Variants in ITGB7 observed in about 807,000 individuals in gnomAD.
ITGB7 encodes the protein integrin subunit beta 7.
In ITGB7, 55 loss-of-function variants were observed where a neutral mutation model predicts 83.4. The ratio of observed to expected loss-of-function variants is 0.66; its 90% CI spans 0.53 to 0.83. The LOEUF is 0.83. ITGB7 is among the 40% of genes least tolerant of loss of function. ITGB7 has a pLI of 0.00. For synonymous variants in ITGB7, 454 were observed against 423.6 expected, an observed-to-expected ratio of 1.07 and a Z score of -0.88; for missense variants, 921 against 1,046.7, an observed-to-expected ratio of 0.88 and a Z score of 1.66.
chr12:53,197,768 G>T lies in ITGB7; in HGVS notation c.385C>A (p.Arg129=). 6.4e-7 allele frequency: 1 copy of T among 1,568,298 alleles called. No individual in the cohort carries two copies. The highest frequency in any genetic ancestry group is 8.6e-7 in the Non-Finnish European group (1 of 1,159,302). Residue 129 remains arginine (R), a synonymous_variant, in exon 4 of 16, where the codon CGG becomes AGG. Coordinates refer to ENST00000267082, the MANE Select transcript of ITGB7 (RefSeq NM_000889.3). Reference sequence around the variant, plus strand: ...AACTCACCAGGCCGCAGCGTGACCCGGACCCGCTGCGGCGCCAGCTGGGTG... The same window carrying T: ...AACTCACCAGGCCGCAGCGTGACCCTGACCCGCTGCGGCGCCAGCTGGGTG... ...GATQLAPQRV[R]VTLRPGEPQQ... is the part of the protein sequence containing the mutation.
chr12:53,192,737 G>A lies in ITGB7; in HGVS notation c.1900C>T (p.Leu634=). The change falls in exon 13 of 16, where the codon CTA becomes TTA. Residue 634 remains leucine (L), a synonymous_variant. Transcript: ENST00000267082. ...CQCLDGYYGA[L]CDQCPGCKTP... ...TTGCAGCCTGGGCATTGGTCGCATA[G>A]AGCACCATAGTAGCCGTCCAAGCAC... The A allele has an allele frequency of 1.9e-6, 3 of 1,614,222 alleles. No homozygotes were observed. The highest frequency in any genetic ancestry group is 2.5e-6 in the Non-Finnish European group (3 of 1,180,048).
At chr12:53,199,480 C>T (rs935377616) in intron 3 of ITGB7, among the ~76,000 whole-genome samples, 5 of 152,142 alleles carry the variant, frequency 3.3e-5, no homozygotes, top group Non-Finnish European at 5.9e-5. Context: ...TCTAACCACA[C>T]ACTTGCTGCT....
intron 2 of ITGB7, among the ~76,000 whole-genome samples, 188 bp from the exon 3 acceptor site, chr12:53,200,634 CA>C (rs1285724709): frequency 6.6e-6 from 1 of 152,086 alleles, no homozygotes; most frequent in Non-Finnish European, 1.5e-5. Context: ...AGGTATCACG[CA>C]AAGGTAGGGG....
chr12:53,192,083 C>CA, intron 14 of ITGB7, 64 bp from the exon 15 acceptor site: 1 of 1,556,306 alleles, frequency 6.4e-7, no homozygotes, highest in South Asian at 1.2e-5. Flanking sequence ...ATCAGTTGCT[C>CA]ACAGTGTGTC....
intron 1 of ITGB7, among the ~76,000 whole-genome samples, chr12:53,203,385 C>A (rs1177637056): frequency 1.3e-5 from 2 of 152,120 alleles, no homozygotes; most frequent in African/African-American, 4.8e-5. Context: ...TGGTGGCTCA[C>A]ACCTGTAATC....
At position 53,191,928 on chromosome 12, in the gene ITGB7, C is replaced by G; in HGVS notation, c.2247G>C (p.Ser749=). 6.2e-7 allele frequency: 1 copy of G among 1,611,134 alleles called. No individual in the cohort carries two copies. The highest frequency in any genetic ancestry group is 8.5e-7 in the Non-Finnish European group (1 of 1,180,002). The change falls in exon 15 of 16, where the codon TCG becomes TCC. Residue 749 remains serine, a synonymous_variant. Coordinates refer to ENST00000267082, the MANE Select transcript of ITGB7 (RefSeq NM_000889.3). ...ATTCCCGGCGGTCATAGATTTCCAC[C>G]GAGAGCCGGTAAGCCAGGACCAGCC... ...GLGLVLAYRL[S]VEIYDRREYS...
At position 53,192,357 on chromosome 12, in the gene ITGB7, C is replaced by T. The variant is rs901702148; in HGVS notation, c.2128G>A (p.Val710Ile). The T allele has an allele frequency of 5.0e-6, 8 of 1,614,002 alleles. No homozygotes were observed. In the African/African-American group the frequency reaches 9.3e-5, roughly 19 times the overall value. ...TCTTGGGGTCTCACTCTGAGCACGA[C>T]CGTGCCTCTGGCGTCATCCTCCACC... ...FLVEDDARGT[V>I]VLRVRPQEKG... Residue 710 changes from valine to isoleucine, a missense_variant, in exon 14 of 16, where the codon GTC (valine) becomes ATC (isoleucine). Coordinates refer to ENST00000267082, the MANE Select transcript of ITGB7 (RefSeq NM_000889.3).
rs1166685125 is a variant in ITGB7 at position 53,192,422 on chromosome 12, C to T, written c.2063G>A (p.Cys688Tyr). The change falls in exon 14 of 16, where the codon TGC (cysteine) becomes TAC (tyrosine). Residue 688 changes from cysteine to tyrosine, a missense_variant. Transcript: ENST00000267082. ...CTGGTTGTCCAGGGTCCGCTCTTTG[C>T]ACCAGCCATCATCCAAGATAGGGGC... ...ALAPILDDGWCKERTLDNQLF... is the reference protein window; with the variant it reads ...ALAPILDDGWYKERTLDNQLF... 3 of 1,614,128 alleles carry T rather than the reference C, an allele frequency of 1.9e-6. No individual in the cohort carries two copies. The highest frequency in any genetic ancestry group is 2.2e-5 in the South Asian group (2 of 91,072).
At chr12:53,194,391 C>T (rs1319777869) in intron 9 of ITGB7, 47 bp from the exon 10 acceptor site, 1 of 1,595,236 alleles carries the variant, frequency 6.3e-7, no homozygotes, top group Non-Finnish European at 8.6e-7. Context: ...CAGAAAAGGA[C>T]TCCAACCCCA....
chr12:53,200,466 G>A lies in ITGB7; in HGVS notation c.-3-20C>T, dbSNP rs767932545. The A allele has an allele frequency of 8.7e-6, 14 of 1,604,614 alleles. No homozygotes were observed. The highest frequency in any genetic ancestry group is 1.1e-5 in the South Asian group (1 of 90,840). On this transcript the variant is annotated intron_variant, in intron 2 of 15. Coordinates refer to ENST00000267082, the MANE Select transcript of ITGB7 (RefSeq NM_000889.3). Reference sequence around the variant, plus strand: ...CATGCCCTGTAATAGGATATAAAGGGGGACATGTGGGTCCTCAGGGAGGAC... The same window carrying A: ...CATGCCCTGTAATAGGATATAAAGGAGGACATGTGGGTCCTCAGGGAGGAC...
At chr12:53,192,987 C>A in intron 12 of ITGB7, 77 bp from the exon 13 acceptor site, 1 of 1,457,440 alleles carries the variant, frequency 6.9e-7, no homozygotes. Flanking sequence ...GACAAGCCCA[C>A]GCATCCAATC....
At chr12:53,197,232 G>A in intron 5 of ITGB7, 1 of 585,912 alleles carries the variant, frequency 1.7e-6, no homozygotes. Flanking sequence ...AGCTGTCCAG[G>A]CCCAGAGAGT....
chr12:53,200,802 A>T (rs1441152157), intron 2 of ITGB7, among the ~76,000 whole-genome samples: 1 of 151,998 alleles, frequency 6.6e-6, no homozygotes, highest in African/African-American at 2.4e-5. Flanking sequence ...GGTGGCGTGC[A>T]CCTGTAATCC....
intron 3 of ITGB7, 36 bp from the exon 4 acceptor site, chr12:53,197,987 C>G: frequency 6.6e-7 from 1 of 1,507,706 alleles, no homozygotes; most frequent in Non-Finnish European, 8.9e-7. Context: ...GGACCCGGTC[C>G]TGCATAGGCC....
chr12:53,200,054 G>A (rs1222937937), intron 3 of ITGB7, among the ~76,000 whole-genome samples, 189 bp downstream of exon 3: 1 of 152,196 alleles, frequency 6.6e-6, no homozygotes, highest in Non-Finnish European at 1.5e-5. Flanking sequence ...GCATGCATGT[G>A]TATGCACACA....
Position 53,200,278 on chromosome 12 carries a change from G to A in ITGB7, c.166C>T (p.Leu56Phe). ...QPAPSCQKCILSHPSCAWCKQ... is the reference protein window; with the variant it reads ...QPAPSCQKCIFSHPSCAWCKQ... The stretch of plus-strand genomic sequence containing the variant: ...CACCATGCACAGCTGGGGTGTGAGA[G>A]GATGCACTTCTGGCAGGAGGGGGCT... The change falls in exon 3 of 16, where the codon CTC (leucine) becomes TTC (phenylalanine). Residue 56 changes from leucine (L) to phenylalanine (F), a missense_variant. Transcript: ENST00000267082. 1.2e-6 allele frequency: 2 copies of A among 1,614,116 alleles called. No homozygotes were observed. The highest frequency in any genetic ancestry group is 1.7e-6 in the Non-Finnish European group (2 of 1,180,028).
chr12:53,200,791 T>C (rs1005805251), intron 2 of ITGB7, among the ~76,000 whole-genome samples: 20 of 152,172 alleles, frequency 1.3e-4, no homozygotes, highest in Admixed American at 9.2e-4. Context: ...TAGTCAGGCA[T>C]GGTGGCGTGC....
At chr12:53,195,789 C>T in intron 7 of ITGB7, 68 bp from the exon 8 acceptor site, 2 of 1,338,950 alleles carry the variant, frequency 1.5e-6, no homozygotes, top group Non-Finnish European at 2.1e-6. Context: ...GTGCCCTCAG[C>T]CCAGGGAATC....
chr12:53,200,415 A>C lies in ITGB7; in HGVS notation c.29T>G (p.Leu10Trp). 1 of 1,614,208 alleles carries C rather than the reference A, an allele frequency of 6.2e-7. No homozygotes were observed. The highest frequency in any genetic ancestry group is 8.5e-7 in the Non-Finnish European group (1 of 1,180,050). ...CTCACCTCTGCTCAGGACCAGCAGCAAAACAAGGACCATTGGCAAAGCCAC... is the reference window on the plus strand; with the variant it reads ...CTCACCTCTGCTCAGGACCAGCAGCCAAACAAGGACCATTGGCAAAGCCAC... MVALPMVLV[L>W]LLVLSRGESE... Residue 10 changes from leucine to tryptophan, a missense_variant, in exon 3 of 16, where the codon TTG (leucine) becomes TGG (tryptophan). By Grantham distance (61) the Leu-to-Trp change is moderately conservative (BLOSUM62 -2). Transcript: ENST00000267082.
Sources: gnomAD v4.1 joint callset for allele counts (sites outside exome capture counted in the v4.1 genomes callset) on GRCh38, gnomAD v4.1.1 for gene constraint, MANE v1.5 for transcripts, NCBI Gene and HGNC (gene_info 2026-07-23, HGNC 2026-07-21) for gene names.